PLA2R1: variants seen among roughly 807,000 people sequenced by gnomAD.
The protein encoded by PLA2R1 is phospholipase A2 receptor 1.
A neutral mutation model predicts 195.9 loss-of-function variants in PLA2R1; 158 were observed. The ratio of observed to expected loss-of-function variants is 0.81; its 90% CI spans 0.71 to 0.92. PLA2R1 has a LOEUF of 0.92. Among genes scored for constraint, PLA2R1 ranks in the 40% least tolerant of loss-of-function variants. The pLI is 0.00. For missense variants in PLA2R1, 1,626 were observed against 1,764.6 expected, an observed-to-expected ratio of 0.92 and a Z score of 1.41; for synonymous variants, 586 against 598.2, an observed-to-expected ratio of 0.98 and a Z score of 0.30.
At position 159,970,402 on chromosome 2, in the gene PLA2R1, G is replaced by A. The variant is rs960739747; in HGVS notation, c.2596-190C>T. Among the ~76,000 whole-genome samples the A allele has an allele frequency of 6.6e-5, 10 of 152,154 alleles. No homozygotes were observed. In the East Asian group the frequency reaches 1.2e-3, roughly 18 times the overall value. On this transcript the variant is annotated intron_variant, in intron 17 of 29. Coordinates refer to ENST00000283243, the MANE Select transcript of PLA2R1 (RefSeq NM_007366.5). ...TATCCTAAAATATTCCCCCCATTAC[G>A]AAGAAAAACTGGAATCAAACATGGA...
In PLA2R1 at chr2:159,939,505, CA is replaced by C. The variant is rs33933112; in HGVS notation, c.*2272del. 2,349 of 82,998 alleles carry C rather than the reference CA, an allele frequency of 0.028. 13 individuals are homozygous for C. Among genetic ancestry groups the C allele is most frequent in the Non-Finnish European group, 0.036 (1,420 of 39,634 alleles). 5.1% of individuals were successfully genotyped at this position (82,998 alleles called of 1,614,324 possible). Reference sequence around the variant, plus strand: ...TGGCAACAGAGCAAGACTCCATCTCCAAAAAAAAAAAAAAAAAATGAAAAAA... The same window carrying C: ...TGGCAACAGAGCAAGACTCCATCTCCAAAAAAAAAAAAAAAAATGAAAAAA... On this transcript the variant is annotated 3_prime_UTR_variant, in exon 30 of 30. Transcript: ENST00000283243.
chr2:159,996,878 G>GC (rs1553459074), intron 11 of PLA2R1, among the ~76,000 whole-genome samples: 1 of 151,556 alleles, frequency 6.6e-6, no homozygotes, highest in Non-Finnish European at 1.5e-5. Context: ...ATTTCTTTTT[G>GC]TTTTTTTTCT....
rs78428304 is a variant in PLA2R1, at chr2:160,006,097, C to T, written c.1665-276G>A. On this transcript the variant is annotated intron_variant, in intron 10 of 29. Transcript: ENST00000283243. ...AGAGAGTCCAGCTCCAGTTTCAAAGCATAGGTGGTAAAGTTCACATGGCCA... is the reference window on the plus strand; with the variant it reads ...AGAGAGTCCAGCTCCAGTTTCAAAGTATAGGTGGTAAAGTTCACATGGCCA... Among the ~76,000 whole-genome samples, 99 of 152,304 alleles carry T rather than the reference C, an allele frequency of 6.5e-4. 3 individuals are homozygous for T. The East Asian group carries it at 0.013, about 20-fold the overall frequency.
intron 12 of PLA2R1, 83 bp downstream of exon 12, chr2:159,987,073 C>A (rs930841183): frequency 9.0e-7 from 1 of 1,115,862 alleles, no homozygotes; most frequent in Non-Finnish European, 1.3e-6. Context: ...AAAAGGGCCC[C>A]GGAATAAAGG....
chr2:159,949,555 G>C (rs1382345159), intron 25 of PLA2R1, 53 bp downstream of exon 25: 1 of 1,327,506 alleles, frequency 7.5e-7, no homozygotes, highest in African/African-American at 1.4e-5. Flanking sequence ...ACAGTGTCTT[G>C]CATACAGTAG....
At chr2:160,034,916 G>C (rs1024010656) in intron 3 of PLA2R1, among the ~76,000 whole-genome samples, 1 of 152,072 alleles carries the variant, frequency 6.6e-6, no homozygotes, top group South Asian at 2.1e-4. Context: ...CTGACATGAC[G>C]CCACAAGTAG....
intron 11 of PLA2R1, among the ~76,000 whole-genome samples, chr2:159,996,884 T>C (rs1411365440): frequency 2.0e-5 from 3 of 152,162 alleles, no homozygotes; most frequent in African/African-American, 7.2e-5. Context: ...TTTTGTTTTT[T>C]TTCTTAGACT....
intron 17 of PLA2R1, among the ~76,000 whole-genome samples, chr2:159,970,452 T>A (rs1346251748): frequency 6.6e-6 from 1 of 152,198 alleles, no homozygotes; most frequent in Non-Finnish European, 1.5e-5. Flanking sequence ...TCATACAACT[T>A]GAAAAGTAAT....
At chr2:160,047,580 C>T (rs1694951727) in intron 1 of PLA2R1, among the ~76,000 whole-genome samples, 1 of 152,192 alleles carries the variant, frequency 6.6e-6, no homozygotes, top group Non-Finnish European at 1.5e-5. Flanking sequence ...AGGAAAAATA[C>T]TCTCCAAACA....
chr2:159,926,902 G>A, the PLA2R1 span, among the ~76,000 whole-genome samples: 4,352 of 152,202 alleles, frequency 0.029, 94 homozygotes, highest in Non-Finnish European at 0.047. Flanking sequence ...CTGCGTCCCC[G>A]GTGGAGGAAT....
intron 1 of PLA2R1, among the ~76,000 whole-genome samples, chr2:160,057,238 T>C (rs953161037): frequency 6.6e-6 from 1 of 152,096 alleles, no homozygotes; most frequent in Non-Finnish European, 1.5e-5. Flanking sequence ...GGAACCACCA[T>C]AGAGCCCCAG....
intron 11 of PLA2R1, among the ~76,000 whole-genome samples, chr2:159,995,226 T>C (rs1315119570): frequency 1.3e-5 from 2 of 152,094 alleles, no homozygotes; most frequent in Admixed American, 1.3e-4. Context: ...TTTCATCTTA[T>C]TCAGAGACAA....
chr2:160,009,886 T>C (rs901728995), intron 10 of PLA2R1, among the ~76,000 whole-genome samples: 2 of 152,076 alleles, frequency 1.3e-5, no homozygotes, highest in South Asian at 2.1e-4. Context: ...GGCAGGAGGA[T>C]TGCTTGAGCC....
At chr2:160,053,276 G>C (rs1040916666) in intron 1 of PLA2R1, among the ~76,000 whole-genome samples, 2 of 150,308 alleles carry the variant, frequency 1.3e-5, no homozygotes, top group African/African-American at 4.9e-5. Context: ...TACCCTAACT[G>C]CCTCATTTTA....
Position 159,956,547 on chromosome 2 carries a change from C to T in PLA2R1, c.2985G>A (p.Gly995=), listed in dbSNP as rs1255724822. The T allele has an allele frequency of 6.2e-7, 1 of 1,613,372 alleles. No homozygotes were observed. Among genetic ancestry groups the T allele is most frequent in the Non-Finnish European group, 8.5e-7 (1 of 1,179,364 alleles). ...CACTTTCAATGGCGACCAGGGTCCCCCCTTCTTCAGCACAGAAATGTTGAG... is the reference window on the plus strand; with the variant it reads ...CACTTTCAATGGCGACCAGGGTCCCTCCTTCTTCAGCACAGAAATGTTGAG... ...THAQHFCAEE[G]GTLVAIESEV... The change falls in exon 21 of 30, where the codon GGG becomes GGA. Residue 995 remains glycine (G), a synonymous_variant. Coordinates refer to ENST00000283243, the MANE Select transcript of PLA2R1 (RefSeq NM_007366.5).
At chr2:159,945,287 C>T (rs967153133) in intron 27 of PLA2R1, among the ~76,000 whole-genome samples, 14 of 151,914 alleles carry the variant, frequency 9.2e-5, no homozygotes, top group African/African-American at 2.7e-4. Context: ...CATGCTGGTG[C>T]GCTGCACCCA....
intron 6 of PLA2R1, among the ~76,000 whole-genome samples, chr2:160,027,514 A>C (rs1693598630): frequency 6.6e-6 from 1 of 152,226 alleles, no homozygotes; most frequent in South Asian, 2.1e-4. Context: ...GGAAAATGAA[A>C]GTTAAAACCC....
Position 159,955,241 on chromosome 2 carries a change from A to C in PLA2R1, c.3259T>G (p.Cys1087Gly). 6.2e-7 allele frequency: 1 copy of C among 1,612,042 alleles called. No homozygotes were observed. The highest frequency in any genetic ancestry group is 1.3e-5 in the African/African-American group (1 of 74,976). Residue 1087 changes from cysteine to glycine, a missense_variant, in exon 23 of 30, where the codon TGT becomes GGT. Cys to Gly is a radical substitution (Grantham distance 159). Coordinates refer to ENST00000283243, the MANE Select transcript of PLA2R1 (RefSeq NM_007366.5). The part of the protein sequence containing the change: ...HFTGKWYFED[C>G]GKEGYGFVCE... ...ACAAACCCATAGCCTTCCTTTCCAC[A>C]GTCTTCAAAATACCATTTTCCAGTG...
At chr2:159,980,072 G>T (rs1689843520) in intron 13 of PLA2R1, among the ~76,000 whole-genome samples, 158 bp from the exon 14 acceptor site, 1 of 151,928 alleles carries the variant, frequency 6.6e-6, no homozygotes, top group Non-Finnish European at 1.5e-5. Flanking sequence ...AATAATAAAA[G>T]AAAAAATATT....
Sources: gnomAD v4.1 joint callset for allele counts (sites outside exome capture counted in the v4.1 genomes callset) on GRCh38, gnomAD v4.1.1 for gene constraint, MANE v1.5 for transcripts, NCBI Gene and HGNC (gene_info 2026-07-23, HGNC 2026-07-21) for gene names.